The following SHPRH variants were observed in gnomAD, a reference collection of about 807,000 sequenced individuals.
SHPRH encodes the protein SNF2 histone linker PHD RING helicase.
A neutral mutation model predicts 202.5 loss-of-function variants in SHPRH; 106 were observed. That is an observed-to-expected ratio of 0.52 (90% CI 0.45 to 0.62). The LOEUF is 0.62. Among genes scored for constraint, SHPRH ranks in the 20% least tolerant of loss-of-function variants. SHPRH has a pLI of 0.00. For missense variants in SHPRH, 1,710 were observed against 2,020.0 expected (o/e 0.85, Z 2.94); for synonymous variants, 729 against 686.0 (o/e 1.06, Z -0.98).
chr6:145,922,540 T>C, intron 19 of SHPRH, 123 bp downstream of exon 19: 2 of 1,285,450 alleles, frequency 1.6e-6, no homozygotes, highest in Non-Finnish European at 2.1e-6. Flanking sequence ...AATACATCTC[T>C]TTCTACTTCT....
chr6:145,874,302 T>C (rs940991688), intron 2 of SHPRH, among the ~76,000 whole-genome samples: 2 of 152,034 alleles, frequency 1.3e-5, no homozygotes, highest in African/African-American at 4.8e-5. Context: ...TTAAAAACCT[T>C]GAAGTACACC....
intron 2 of SHPRH, among the ~76,000 whole-genome samples, chr6:145,869,195 T>C (rs2128689019): frequency 6.6e-6 from 1 of 152,320 alleles, no homozygotes. Context: ...AATCAAGTTG[T>C]TTATTTTCTT....
chr6:145,866,309 CT>C (rs1348126938), intron 2 of SHPRH, among the ~76,000 whole-genome samples: 4 of 152,210 alleles, frequency 2.6e-5, no homozygotes, highest in African/African-American at 9.6e-5. Flanking sequence ...GAAAGTCACA[CT>C]TTAACCTTTT....
chr6:145,947,172 T>C (rs1468126550), intron 6 of SHPRH, among the ~76,000 whole-genome samples: 1 of 152,046 alleles, frequency 6.6e-6, no homozygotes, highest in Non-Finnish European at 1.5e-5. Context: ...TTAGTAGTAA[T>C]ATGGAGACTT....
intron 2 of SHPRH, among the ~76,000 whole-genome samples, chr6:145,867,631 T>TAGAGAGAGAGAGAG (rs748613165): frequency 6.3e-4 from 14 of 22,310 alleles, no homozygotes; most frequent in Non-Finnish European, 8.3e-4. Flanking sequence ...TATATATATA[T>TAGAGAGAGAGAGAG]AGAGAGAGAG....
intron 19 of SHPRH, 60 bp from the exon 20 acceptor site, chr6:145,922,408 AAGG>A (rs1010899889): frequency 4.3e-5 from 64 of 1,504,326 alleles, no homozygotes; most frequent in Admixed American, 5.0e-5. Flanking sequence ...TGGTAATTTT[AAGG>A]AGAAGCTTAA....
At chr6:145,911,355 C>T (rs1319833595) in intron 24 of SHPRH, among the ~76,000 whole-genome samples, 3 of 152,004 alleles carry the variant, frequency 2.0e-5, no homozygotes, top group Admixed American at 2.0e-4. Context: ...AGACTGGTCT[C>T]GAACTCCTGA....
intron 25 of SHPRH, among the ~76,000 whole-genome samples, chr6:145,895,303 A>T (rs548079346): frequency 6.6e-6 from 1 of 152,216 alleles, no homozygotes; most frequent in East Asian, 1.9e-4. Flanking sequence ...TTAGATTAGC[A>T]GAAATGATAT....
At chr6:145,873,713 AAGGGAGGGAGGGAGGGAGGG>A (rs1200242419) in intron 2 of SHPRH, among the ~76,000 whole-genome samples, 1 of 87,920 alleles carries the variant, frequency 1.1e-5, no homozygotes, top group African/African-American at 5.5e-5. Context: ...GGAAGGAAGG[AAGGGAGGGAGGGAGGGAGGG>A]AGGGAGGGAG....
chr6:145,922,825 C>T lies in SHPRH; in HGVS notation c.3557G>A (p.Cys1186Tyr), dbSNP rs201651828. 9.0e-4 allele frequency: 1,444 copies of T among 1,609,198 alleles called. 8 individuals carry two copies. The highest frequency in any genetic ancestry group is 7.8e-3 in the South Asian group (702 of 90,578). The change falls in exon 19 of 30, where the codon TGC becomes TAC. Residue 1186 changes from cysteine (C) to tyrosine (Y), a missense_variant. Physicochemically the swap from Cys to Tyr is radical, Grantham distance 194 (BLOSUM62 -2). Around this residue, in one of 8 missense-constraint regions of SHPRH, gnomAD observed 288 missense variants for 317.8 expected, o/e 0.91. Transcript: ENST00000275233. ...KLSMSEKFRD[C>Y]RGLQFLLTTQ... ...TGTAAGTAAGAACTGAAGACCTCTGCAATCACGGAACCTGATTCCCACACC... is the reference window on the plus strand; with the variant it reads ...TGTAAGTAAGAACTGAAGACCTCTGTAATCACGGAACCTGATTCCCACACC...
downstream of SHPRH, among the ~76,000 whole-genome samples, chr6:145,882,535 A>T (rs950210790): frequency 1.3e-5 from 2 of 152,200 alleles, no homozygotes; most frequent in Non-Finnish European, 2.9e-5. Context: ...ACTAAAATGC[A>T]TTCCTGTTTA....
chr6:145,918,246 A>C lies in SHPRH; in HGVS notation c.4153-14T>G, dbSNP rs1784121910. 1 of 1,487,698 alleles carries C rather than the reference A, an allele frequency of 6.7e-7. No individual in the cohort carries two copies. Among genetic ancestry groups the C allele is most frequent in the African/African-American group, 1.4e-5 (1 of 69,666 alleles). The allele number at this position is 1,487,698 out of a possible 1,614,324, so 92.2% of individuals were successfully genotyped here. ...GTTTTGTTCTACCTAAAGAAAATAA[A>C]AATAAAAACTTCTTTATTCTTTCAG... On this transcript the variant is annotated splice_polypyrimidine_tract_variant and intron_variant, in intron 22 of 29. Transcript: ENST00000275233.
At position 145,885,205 on chromosome 6, in the gene SHPRH, T is replaced by C. The variant is rs930152504; in HGVS notation, c.*1486A>G. 2.6e-5 allele frequency: 4 copies of C among 152,224 alleles called. No homozygotes were observed. Among genetic ancestry groups the C allele is most frequent in the Non-Finnish European group, 5.9e-5 (4 of 68,024 alleles). 9.4% of individuals were successfully genotyped at this position (152,224 alleles called of 1,614,324 possible). A position where few individuals can be genotyped will look rare whatever the true frequency, so the allele number is the denominator to read the frequency against. ...TAATTATATCAACTTCACAAGATTG[T>C]TGGGTAAATTAAACACGTAAATGTA... is the stretch of plus-strand genomic sequence containing the variant. On this transcript the variant is annotated 3_prime_UTR_variant, in exon 30 of 30. Transcript: ENST00000275233.
intron 8 of SHPRH, among the ~76,000 whole-genome samples, chr6:145,944,043 G>T (rs188193289): frequency 7.6e-4 from 115 of 152,206 alleles, no homozygotes; most frequent in African/African-American, 2.6e-3. Context: ...AAATTAGAAA[G>T]ATAAAGGAAG....
intron 6 of SHPRH, 53 bp downstream of exon 6, chr6:145,947,440 C>G: frequency 6.4e-7 from 1 of 1,573,038 alleles, no homozygotes; most frequent in East Asian, 2.3e-5. Flanking sequence ...ACATACGATG[C>G]TTTTCGAGAA....
chr6:145,900,657 T>C (rs1157834782), intron 25 of SHPRH, among the ~76,000 whole-genome samples: 1 of 152,138 alleles, frequency 6.6e-6, no homozygotes, highest in Non-Finnish European at 1.5e-5. Flanking sequence ...GGATCCCCAT[T>C]GGATATCAAG....
intron 22 of SHPRH, 40 bp downstream of exon 22, chr6:145,919,308 T>C (rs986468432): frequency 4.3e-6 from 7 of 1,610,202 alleles, no homozygotes; most frequent in Non-Finnish European, 5.9e-6. Context: ...CTGTGACATC[T>C]GCTTGCTGTT....
intron 7 of SHPRH, 64 bp from the exon 8 acceptor site, chr6:145,945,701 G>T (rs754248076): frequency 1.4e-6 from 2 of 1,480,642 alleles, no homozygotes; most frequent in South Asian, 2.8e-5. Flanking sequence ...GTAAAACTTG[G>T]TTAATCTTAA....
At chr6:145,860,588 G>T (rs921273004), downstream of SHPRH, among the ~76,000 whole-genome samples, 3 of 151,954 alleles carry the variant, frequency 2.0e-5, no homozygotes, top group African/African-American at 7.2e-5. Context: ...ACAATCTACA[G>T]ATTCAATGCA....
Sources: gnomAD v4.1 joint callset for allele counts (sites outside exome capture counted in the v4.1 genomes callset) on GRCh38, gnomAD v4.1.1 for gene constraint, gnomAD v4.1.1 regional missense constraint, MANE v1.5 for transcripts, NCBI Gene and HGNC (gene_info 2026-07-23, HGNC 2026-07-21) for gene names.